Variants in OTOA observed in about 807,000 individuals in gnomAD.
OTOA encodes the protein cancer/testis antigen 108.
Under a neutral mutation model 110.8 loss-of-function variants are expected in OTOA, and 70 were observed. The ratio of observed to expected loss-of-function variants is 0.63; its 90% CI spans 0.52 to 0.77. OTOA has a LOEUF of 0.77. Ranked by LOEUF, OTOA falls within the 30% of genes least tolerant of loss-of-function variation. OTOA has a pLI of 0.00. For missense variants in OTOA, 917 were observed against 1,075.8 expected, an observed-to-expected ratio of 0.85 and a Z score of 2.06; for synonymous variants, 373 against 431.5, an observed-to-expected ratio of 0.86 and a Z score of 1.68.
intron 6 of OTOA, among the ~76,000 whole-genome samples, chr16:21,682,545 G>A (rs1966912884): frequency 6.6e-6 from 1 of 152,214 alleles, no homozygotes; most frequent in Non-Finnish European, 1.5e-5. Context: ...GTTGATAGGT[G>A]GCAAAGGATA....
chr16:21,684,896 C>A (rs1897679342), intron 6 of OTOA, among the ~76,000 whole-genome samples: 1 of 151,792 alleles, frequency 6.6e-6, no homozygotes, highest in Non-Finnish European at 1.5e-5. Flanking sequence ...GGACTACAGG[C>A]GTGCGCCACC....
At position 21,695,885 on chromosome 16, in the gene OTOA, A is replaced by T. The variant is rs1307286139; in HGVS notation, c.740-1890A>T. Among the ~76,000 whole-genome samples, 134 of 50,472 alleles carry T rather than the reference A, an allele frequency of 2.7e-3. 1 individual carries two copies. The highest frequency in any genetic ancestry group is 3.1e-3 in the Non-Finnish European group (84 of 27,432). The allele number at this position is 50,472 out of a possible 152,430, so 33.1% of individuals were successfully genotyped here. ...ACTTGAGATATATATATATATATATATATATATTTTTTTTTTTTTTTTTTT... is the reference window on the plus strand; with the variant it reads ...ACTTGAGATATATATATATATATATTTATATATTTTTTTTTTTTTTTTTTT... On this transcript the variant is annotated intron_variant, in intron 9 of 28. Transcript: ENST00000646100.
chr16:21,707,614 TTTC>T (rs1898212338), intron 12 of OTOA, among the ~76,000 whole-genome samples: 1 of 95,456 alleles, frequency 1.0e-5, no homozygotes, highest in African/African-American at 3.2e-5. Context: ...TCTTTCTTTC[TTTC>T]TTTCTTTCTT....
intron 19 of OTOA, chr16:21,727,099 C>T (rs1898946136): frequency 5.0e-6 from 1 of 198,154 alleles, no homozygotes; most frequent in East Asian, 1.3e-4. Flanking sequence ...TCACTGCAAC[C>T]TCTGCCTCCC....
At chr16:21,678,717 T>G in intron 2 of OTOA, 112 bp downstream of exon 2, 1 of 1,148,088 alleles carries the variant, frequency 8.7e-7, no homozygotes, top group Non-Finnish European at 1.3e-6. Flanking sequence ...GCTGTGTGTG[T>G]GTGCATGTAT....
At chr16:21,705,048 C>T (rs1247134878) in intron 11 of OTOA, 121 bp from the exon 12 acceptor site, 1 of 1,507,194 alleles carries the variant, frequency 6.6e-7, no homozygotes, top group African/African-American at 1.4e-5. Flanking sequence ...GTTATGTGAC[C>T]TTCAACCTGG....
At chr16:21,701,395 A>C (rs1898049952) in intron 11 of OTOA, among the ~76,000 whole-genome samples, 1 of 152,144 alleles carries the variant, frequency 6.6e-6, no homozygotes, top group South Asian at 2.1e-4. Flanking sequence ...GTTGGAAATA[A>C]CTCATGGGTC....
At chr16:21,693,271 G>GCAAACAAA (rs543653418) in intron 9 of OTOA, among the ~76,000 whole-genome samples, 1 of 151,944 alleles carries the variant, frequency 6.6e-6, no homozygotes, top group South Asian at 2.1e-4. Flanking sequence ...CGCAAAACAA[G>GCAAACAAA]CAAACAAACA....
At chr16:21,679,798 A>G (rs937755625) in intron 5 of OTOA, among the ~76,000 whole-genome samples, 4 of 152,148 alleles carry the variant, frequency 2.6e-5, no homozygotes, top group Admixed American at 6.5e-5. Flanking sequence ...GTGCCACACA[A>G]TGTAGTTCCC....
intron 9 of OTOA, among the ~76,000 whole-genome samples, chr16:21,692,097 C>G (rs1048627817): frequency 6.6e-6 from 1 of 152,112 alleles, no homozygotes; most frequent in African/African-American, 2.4e-5. Context: ...GAGGCCAAGG[C>G]AGGAGGATTG....
intron 6 of OTOA, among the ~76,000 whole-genome samples, chr16:21,684,768 T>TTATTA (rs1567366315): frequency 5.0e-4 from 7 of 13,934 alleles, no homozygotes; most frequent in South Asian, 3.3e-3. Context: ...TATTATTATT[T>TTATTA]TTTAGGTGGA....
rs563575294 is a variant in OTOA, at chr16:21,686,218, A to T, written c.399+857A>T. On this transcript the variant is annotated intron_variant, in intron 7 of 28. Coordinates refer to ENST00000646100, the MANE Select transcript of OTOA (RefSeq NM_144672.4). ...ATGGGGCTTAACCGGTAGGATTGTC[A>T]TGAGAATTAATCAGATGATGCGTTT... 2.0e-5 allele frequency among the ~76,000 whole-genome samples: 3 copies of T among 152,122 alleles called. No homozygotes were observed. In the East Asian group the frequency reaches 5.8e-4, roughly 29 times the overall value.
At chr16:21,678,045 C>A (rs1284258782) in intron 1 of OTOA, among the ~76,000 whole-genome samples, 2 of 151,958 alleles carry the variant, frequency 1.3e-5, no homozygotes, top group Admixed American at 6.6e-5. Flanking sequence ...CACCACCATA[C>A]CCAGTTAATT....
intron 17 of OTOA, among the ~76,000 whole-genome samples, chr16:21,719,957 C>CTT (rs761325846): frequency 2.2e-5 from 3 of 136,562 alleles, no homozygotes; most frequent in Non-Finnish European, 3.2e-5. Flanking sequence ...TAACTGATTT[C>CTT]TTTTTTTTTT....
chr16:21,756,156 T>C (rs1428723579), intron 27 of OTOA, among the ~76,000 whole-genome samples: 1 of 151,520 alleles, frequency 6.6e-6, no homozygotes, highest in Non-Finnish European at 1.5e-5. Context: ...CATGATGATA[T>C]AGAGTCCCCT....
chr16:21,712,324 G>A (rs1292738897), intron 13 of OTOA, among the ~76,000 whole-genome samples: 1 of 150,718 alleles, frequency 6.6e-6, no homozygotes, highest in Non-Finnish European at 1.5e-5. Flanking sequence ...TACAGAGCAA[G>A]ACTCTGTCTT....
At chr16:21,665,013 T>TAAATAAATAAATAAAC (rs1472493254) in intron 1 of OTOA, among the ~76,000 whole-genome samples, 93 of 151,566 alleles carry the variant, frequency 6.1e-4, no homozygotes, top group African/African-American at 2.1e-3. Flanking sequence ...AATAAATAAA[T>TAAATAAATAAATAAAC]AAACAAATAA....
At chr16:21,715,454 T>C (rs1441749291) in intron 14 of OTOA, among the ~76,000 whole-genome samples, 1 of 151,924 alleles carries the variant, frequency 6.6e-6, no homozygotes, top group Non-Finnish European at 1.5e-5. Context: ...TTTTTTTTTT[T>C]TGAGACAGTC....
Position 21,728,273 on chromosome 16 carries a change from C to T in OTOA, c.2049C>T (p.Asp683=). The part of the protein sequence containing the change: ...DDSIADEYTV[D]IMGNLLCHLP... ...CCATTGCTGATGAGTACACTGTGGACATCATGGGGAACCTGCTGTGTCACT... is the reference window on the plus strand; with the variant it reads ...CCATTGCTGATGAGTACACTGTGGATATCATGGGGAACCTGCTGTGTCACT... The change falls in exon 20 of 29, where the codon GAC becomes GAT. Residue 683 remains aspartate, a synonymous_variant. Transcript: ENST00000646100. 6.2e-7 allele frequency: 1 copy of T among 1,614,162 alleles called. No individual in the cohort carries two copies. Among genetic ancestry groups the T allele is most frequent in the East Asian group, 2.2e-5 (1 of 44,876 alleles).
Sources: gnomAD v4.1 joint callset for allele counts (sites outside exome capture counted in the v4.1 genomes callset) on GRCh38, gnomAD v4.1.1 for gene constraint, MANE v1.5 for transcripts, NCBI Gene and HGNC (gene_info 2026-07-23, HGNC 2026-07-21) for gene names.